ABHD17A: variants seen among roughly 807,000 people sequenced by gnomAD.
The protein encoded by ABHD17A is abhydrolase domain containing 17A, depalmitoylase.
ABHD17A carries 10 observed loss-of-function variants against 26.8 expected under a neutral mutation model. The ratio of observed to expected loss-of-function variants is 0.37; its 90% CI spans 0.23 to 0.63. The LOEUF (loss-of-function observed/expected upper bound fraction) is 0.63. Ranked by LOEUF, ABHD17A falls within the 30% of genes least tolerant of loss-of-function variation. The probability of loss-of-function intolerance (pLI) is 0.61; values close to 1 mark genes in which losing one functional copy is unlikely to be tolerated. For synonymous variants in ABHD17A, 167 were observed against 210.9 expected (o/e 0.79, Z 1.80); for missense variants, 292 against 457.3 (o/e 0.64, Z 3.30).
chr19:1,885,414 G>A lies in ABHD17A; in HGVS notation c.-301C>T, dbSNP rs1258066554. 1 of 152,340 alleles carries A rather than the reference G, an allele frequency of 6.6e-6. No homozygotes were observed. Among genetic ancestry groups the A allele is most frequent in the Non-Finnish European group, 1.5e-5 (1 of 67,936 alleles). 9.4% of individuals were successfully genotyped at this position (152,340 alleles called of 1,614,324 possible). A position where few individuals can be genotyped will look rare whatever the true frequency, so the allele number is the denominator to read the frequency against. On this transcript the variant is annotated 5_prime_UTR_variant, in exon 1 of 5. Coordinates refer to ENST00000292577, the MANE Select transcript of ABHD17A (RefSeq NM_001130111.2). Reference sequence around the variant, plus strand: ...CCATGGCTCCCGGCCGCCCGCCCGTGCGTCCGTCGGTCCCTCCGCACCCCT... The same window carrying A: ...CCATGGCTCCCGGCCGCCCGCCCGTACGTCCGTCGGTCCCTCCGCACCCCT...
chr19:1,877,455 T>A, intron 4 of ABHD17A, 30 bp from the exon 5 acceptor site: 1 of 1,566,730 alleles, frequency 6.4e-7, no homozygotes. Context: ...CCGGTGAGAC[T>A]TCGCGCCCGG....
Position 1,880,933 on chromosome 19 carries a change from C to A in ABHD17A, c.332+302G>T. ...TGGATGTACCCGCAGGCCAGGGCAG[C>A]CCCTGTGCCCCAGCTCTTGCCCAGC... On this transcript the variant is annotated intron_variant, in intron 2 of 4. Coordinates refer to ENST00000292577, the MANE Select transcript of ABHD17A (RefSeq NM_001130111.2). This position sits in a 1 kb window ranked among gnomAD's most constrained non-coding sequence, Gnocchi z 4.1. The A allele has an allele frequency of 1.2e-6, 2 of 1,613,060 alleles. No homozygotes were observed. Among genetic ancestry groups the A allele is most frequent in the East Asian group, 2.2e-5 (1 of 44,880 alleles).
intron 2 of ABHD17A, 130 bp downstream of exon 2, chr19:1,881,105 G>C: frequency 6.4e-7 from 1 of 1,571,326 alleles, no homozygotes; most frequent in Non-Finnish European, 8.6e-7. Context: ...TACCACCCTT[G>C]CTGGCTGGAT....
In ABHD17A at chr19:1,876,911, C is replaced by A. The variant is rs2012371274; in HGVS notation, c.*289G>T. 2.2e-6 allele frequency: 1 copy of A among 454,076 alleles called. No homozygotes were observed. The highest frequency in any genetic ancestry group is 2.2e-5 in the South Asian group (1 of 44,646). 28.1% of individuals were successfully genotyped at this position (454,076 alleles called of 1,614,324 possible). A position where few individuals can be genotyped will look rare whatever the true frequency, so the allele number is the denominator to read the frequency against. On this transcript the variant is annotated 3_prime_UTR_variant, in exon 5 of 5. Transcript: ENST00000292577. ...AGGGACGAAACCTGGGAACCCCGGC[C>A]CCCTTTCGAGCTCGCTGAGCGCTCG...
Position 1,877,146 on chromosome 19 carries a change from G to A in ABHD17A, c.*54C>T. ...CAGCCCCTGGGTGGGGGCCGGCGCG[G>A]GGTGAGGTCCGGGGGCCGCCTTATT... On this transcript the variant is annotated 3_prime_UTR_variant, in exon 5 of 5. Transcript: ENST00000292577. 6.9e-7 allele frequency: 1 copy of A among 1,455,432 alleles called. No individual in the cohort carries two copies. Among genetic ancestry groups the A allele is most frequent in the Non-Finnish European group, 9.3e-7 (1 of 1,079,682 alleles). The allele number at this position is 1,455,432 out of a possible 1,614,324, so 90.2% of individuals were successfully genotyped here.
rs535385478 is a variant in ABHD17A, at chr19:1,885,147, G to A, written c.-239+205C>T. 8.3e-4 allele frequency among the ~76,000 whole-genome samples: 126 copies of A among 152,318 alleles called. 2 individuals are homozygous for A. The highest frequency in any genetic ancestry group is 8.0e-3 in the Admixed American group (123 of 15,308). ...GGGTGGGAGCGCAACCCACGCCGGA[G>A]GGCTGAATGGATGGGGACAGGGCTT... On this transcript the variant is annotated intron_variant, in intron 1 of 4. Transcript: ENST00000292577.
rs1747201612 is a variant in ABHD17A at position 1,880,761 on chromosome 19, C to T, written c.332+474G>A. ...GTCTGCTTCCCAGCACGGGAGCTGC[C>T]CCAGGTGGTGCCAGGAGCAGGTGGC... is the stretch of plus-strand genomic sequence containing the variant. On this transcript the variant is annotated intron_variant, in intron 2 of 4. Coordinates refer to ENST00000292577, the MANE Select transcript of ABHD17A (RefSeq NM_001130111.2). The surrounding 1 kb of genome is among the most constrained non-coding windows in gnomAD (Gnocchi z 4.1). 7.7e-7 allele frequency: 1 copy of T among 1,303,566 alleles called. No individual in the cohort carries two copies. The highest frequency in any genetic ancestry group is 1.1e-6 in the Non-Finnish European group (1 of 948,886). 80.7% of individuals were successfully genotyped at this position (1,303,566 alleles called of 1,614,324 possible). A position where few individuals can be genotyped will look rare whatever the true frequency, so the allele number is the denominator to read the frequency against.
Position 1,879,969 on chromosome 19 carries a change from C to G in ABHD17A, c.479G>C (p.Arg160Thr). ...GGCGTCGATGTCGGCATAGAGGTTC[C>G]TCTCGGAAGGCCTGCCCGAGCTGGC... ...YGASSGRPSE[R>T]NLYADIDAAW... Residue 160 changes from arginine to threonine, a missense_variant, in exon 3 of 5, where the codon AGG becomes ACG. Arg to Thr is a moderately conservative substitution (Grantham distance 71). Transcript: ENST00000292577. This position sits in a 1 kb window ranked among gnomAD's most constrained non-coding sequence, Gnocchi z 7.6. The G allele has an allele frequency of 2.5e-6, 4 of 1,613,114 alleles. No homozygotes were observed. The highest frequency in any genetic ancestry group is 3.4e-6 in the Non-Finnish European group (4 of 1,179,968).
Position 1,881,616 on chromosome 19 carries a change from C to T in ABHD17A, c.-50G>A. On this transcript the variant is annotated 5_prime_UTR_variant, in exon 2 of 5. Coordinates refer to ENST00000292577, the MANE Select transcript of ABHD17A (RefSeq NM_001130111.2). ...TCCACCGGGGCCCCCGCCAACAACG[C>T]CGCCCGGCCTGGCCCGGCAGGGGAG... 3.4e-6 allele frequency: 5 copies of T among 1,469,230 alleles called. No individual in the cohort carries two copies. Among genetic ancestry groups the T allele is most frequent in the Non-Finnish European group, 8.9e-7 (1 of 1,120,390 alleles). 91.0% of individuals were successfully genotyped at this position (1,469,230 alleles called of 1,614,324 possible).
Position 1,881,410 on chromosome 19 carries a change from A to G in ABHD17A, c.157T>C (p.Leu53=), listed in dbSNP as rs1254528994. 25 of 1,603,370 alleles carry G rather than the reference A, an allele frequency of 1.6e-5. No homozygotes were observed. The highest frequency in any genetic ancestry group is 2.0e-5 in the Non-Finnish European group (24 of 1,178,534). ...PGPGGAGAAP[L]GTLRASSGAP... ...CCCGAGGAGGCTCTCAGGGTCCCCA[A>G]GGGGGCGGCCCCGGCCCCACCAGGC... Residue 53 remains leucine (L), a synonymous_variant, in exon 2 of 5, where the codon TTG becomes CTG. Coordinates refer to ENST00000292577, the MANE Select transcript of ABHD17A (RefSeq NM_001130111.2).
chr19:1,885,076 C>A (rs920099439), intron 1 of ABHD17A, among the ~76,000 whole-genome samples: 52 of 152,292 alleles, frequency 3.4e-4, no homozygotes, highest in Non-Finnish European at 3.7e-4. Context: ...GCGGAATCCG[C>A]GGCTCGGACG....
In ABHD17A at chr19:1,881,253, C is replaced by T. The variant is rs780353145; in HGVS notation, c.314G>A (p.Arg105His). ...TGCTCACCTGGCACCAGGCACGCAG[C>T]GAACATACATGCAGGAGACGCGGTT... is the stretch of plus-strand genomic sequence containing the variant. The part of the protein sequence containing the change: ...RGNRVSCMYV[R>H]CVPGARYTVL... Residue 105 changes from arginine (R) to histidine (H), a missense_variant, in exon 2 of 5, where the codon CGC (arginine) becomes CAC (histidine). By Grantham distance (29) the Arg-to-His change is conservative. Coordinates refer to ENST00000292577, the MANE Select transcript of ABHD17A (RefSeq NM_001130111.2). The T allele has an allele frequency of 2.0e-5, 32 of 1,611,010 alleles. No homozygotes were observed. The highest frequency in any genetic ancestry group is 1.7e-5 in the Non-Finnish European group (20 of 1,179,746).
rs375711582 is a variant in ABHD17A at position 1,880,150 on chromosome 19, G to A, written c.333-35C>T. On this transcript the variant is annotated intron_variant, in intron 2 of 4. Coordinates refer to ENST00000292577, the MANE Select transcript of ABHD17A (RefSeq NM_001130111.2). This position sits in a 1 kb window ranked among gnomAD's most constrained non-coding sequence, Gnocchi z 4.1. ...GCCGAGAAGGGCCGTTCACATCCTCGCTCCCAGCGCCCAGCTGCAGGGCAG... is the reference window on the plus strand; with the variant it reads ...GCCGAGAAGGGCCGTTCACATCCTCACTCCCAGCGCCCAGCTGCAGGGCAG... The A allele has an allele frequency of 1.9e-5, 30 of 1,607,416 alleles. No homozygotes were observed. In the Admixed American group the frequency reaches 2.2e-4, roughly 12 times the overall value.
At chr19:1,878,103 C>G (rs2012422427) in intron 3 of ABHD17A, 1 of 212,508 alleles carries the variant, frequency 4.7e-6, no homozygotes, top group Admixed American at 5.4e-5. Context: ...TCCTGGTGCA[C>G]TGGCCAGGAC....
chr19:1,880,256 C>T lies in ABHD17A; in HGVS notation c.333-141G>A. The T allele has an allele frequency of 1.2e-6, 1 of 850,896 alleles. No individual in the cohort carries two copies. The highest frequency in any genetic ancestry group is 1.8e-6 in the Non-Finnish European group (1 of 541,738). 52.7% of individuals were successfully genotyped at this position (850,896 alleles called of 1,614,324 possible). A position where few individuals can be genotyped will look rare whatever the true frequency, so the allele number is the denominator to read the frequency against. On this transcript the variant is annotated intron_variant, in intron 2 of 4. Transcript: ENST00000292577. This position sits in a 1 kb window ranked among gnomAD's most constrained non-coding sequence, Gnocchi z 4.1. ...ACTCCCCTCCCAAGGGGGCCAGAAGCCAGTGAATGGAGAGGGGAGGCTACG... is the reference window on the plus strand; with the variant it reads ...ACTCCCCTCCCAAGGGGGCCAGAAGTCAGTGAATGGAGAGGGGAGGCTACG...
intron 1 of ABHD17A, chr19:1,882,408 C>A (rs2012567488): frequency 6.6e-6 from 1 of 152,266 alleles, no homozygotes; most frequent in African/African-American, 2.4e-5. Context: ...CTAGGGCCCC[C>A]AGAGCAGCAA....
rs1040206408 is a variant in ABHD17A, at chr19:1,881,453, C to A, written c.114G>T (p.Val38=). The change falls in exon 2 of 5, where the codon GTG becomes GTT. Residue 38 remains valine (V), a synonymous_variant. Coordinates refer to ENST00000292577, the MANE Select transcript of ABHD17A (RefSeq NM_001130111.2). ...FLPPEATYSL[V]PEPEPGPGGA... Reference sequence around the variant, plus strand: ...CACCAGGCCCCGGCTCGGGCTCAGGCACCAGGGAGTAGGTGGCCTCCGGCG... The same window carrying A: ...CACCAGGCCCCGGCTCGGGCTCAGGAACCAGGGAGTAGGTGGCCTCCGGCG... 2.5e-6 allele frequency: 4 copies of A among 1,603,188 alleles called. No homozygotes were observed. The African/African-American group carries it at 5.3e-5, about 21-fold the overall frequency.
chr19:1,877,422 G>A lies in ABHD17A; in HGVS notation c.711C>T (p.Ile237=), dbSNP rs1415269219. ...KTYCFDAFPN[I]EKVSKITSPV... is the part of the protein sequence containing the mutation. ...GAGACGTGATCTTGGACACCTTCTC[G>A]ATGCTGCGGGAGGGTCGTGGAGCCG... Residue 237 remains isoleucine, a synonymous_variant, in exon 5 of 5, where the codon ATC becomes ATT. Transcript: ENST00000292577. The A allele has an allele frequency of 2.6e-6, 4 of 1,564,046 alleles. No homozygotes were observed. The highest frequency in any genetic ancestry group is 3.4e-6 in the Non-Finnish European group (4 of 1,161,610).
At position 1,877,241 on chromosome 19, in the gene ABHD17A, G is replaced by T; in HGVS notation, c.892C>A (p.Arg298Ser). 1 of 1,540,114 alleles carries T rather than the reference G, an allele frequency of 6.5e-7. No homozygotes were observed. The highest frequency in any genetic ancestry group is 2.3e-5 in the East Asian group (1 of 42,896). Residue 298 changes from arginine to serine, a missense_variant, in exon 5 of 5, where the codon CGT becomes AGT. Transcript: ENST00000292577. ...GGCAGCTCCTGGGAGATGAAGCGAC[G>T]CAGGCGCTCCAGGTACTGGCTGTAG... is the stretch of plus-strand genomic sequence containing the variant. The part of the protein sequence containing the change: ...ELYSQYLERL[R>S]RFISQELPSQ...
Sources: gnomAD v4.1 joint callset for allele counts (sites outside exome capture counted in the v4.1 genomes callset) on GRCh38, gnomAD v4.1.1 for gene constraint, Gnocchi (gnomAD v3.1) non-coding constraint, MANE v1.5 for transcripts, NCBI Gene and HGNC (gene_info 2026-07-23, HGNC 2026-07-21) for gene names.